The following UNC80 variants were observed in gnomAD, a reference collection of about 807,000 sequenced individuals.
UNC80 encodes unc-80 subunit of NALCN channel complex.
A neutral mutation model predicts 384.6 loss-of-function variants in UNC80; 164 were observed. That is an observed-to-expected ratio of 0.43 (90% CI 0.38 to 0.49). The LOEUF is 0.49. Among genes scored for constraint, UNC80 ranks in the 20% least tolerant of loss-of-function variants. The pLI, the probability that UNC80 is intolerant of heterozygous loss-of-function variation, is 0.00. For synonymous variants in UNC80, 1,486 were observed against 1,527.8 expected, an observed-to-expected ratio of 0.97 and a Z score of 0.64; for missense variants, 3,330 against 4,143.0, an observed-to-expected ratio of 0.80 and a Z score of 5.39.
intron 28 of UNC80, among the ~76,000 whole-genome samples, chr2:209,902,912 T>C (rs1437586522): frequency 7.5e-6 from 1 of 133,270 alleles, no homozygotes; most frequent in Admixed American, 7.0e-5. Flanking sequence ...CACGTGTGTG[T>C]GTGTGTGTGT....
chr2:209,988,838 G>C (rs1377906689), intron 61 of UNC80, among the ~76,000 whole-genome samples: 1 of 151,948 alleles, frequency 6.6e-6, no homozygotes, highest in African/African-American at 2.4e-5. Context: ...TAGATTATAT[G>C]GTTTACCATA....
rs2124954049 is a variant in UNC80 at position 209,922,316 on chromosome 2, T to C, written c.5595T>C (p.Thr1865=). 4 of 1,552,158 alleles carry C rather than the reference T, an allele frequency of 2.6e-6. No individual in the cohort carries two copies. The Admixed American group carries it at 7.8e-5, about 30-fold the overall frequency. Residue 1865 remains threonine, a synonymous_variant, in exon 35 of 65, where the codon ACT becomes ACC. Transcript: ENST00000673920. ...TGAGTCCATCCTGCACCTCCAGCAC[T>C]TCCCACAGGAATTATTCCTTCCGCC... ...LSVSPSCTSS[T]SHRNYSFRRG...
chr2:209,984,889 G>A lies in UNC80; in HGVS notation c.9291G>A (p.Leu3097=). The part of the protein sequence containing the change: ...EPNVLDDSQG[L]AAEGSLSRVA... Reference sequence around the variant, plus strand: ...ATGTCCTCGATGACTCCCAGGGCCTGGCCGCCGAGGGCAGCCTCTCTAGGT... The same window carrying A: ...ATGTCCTCGATGACTCCCAGGGCCTAGCCGCCGAGGGCAGCCTCTCTAGGT... Residue 3097 remains leucine (L), a synonymous_variant, in exon 61 of 65, where the codon CTG becomes CTA. Coordinates refer to ENST00000673920, the MANE Select transcript of UNC80 (RefSeq NM_001371986.1). 6.5e-7 allele frequency: 1 copy of A among 1,550,284 alleles called. No homozygotes were observed. The highest frequency in any genetic ancestry group is 8.7e-7 in the Non-Finnish European group (1 of 1,146,562).
chr2:209,954,060 A>C lies in UNC80; in HGVS notation c.7287-40A>C, dbSNP rs187101571. The C allele has an allele frequency of 1.8e-4, 274 of 1,521,886 alleles. 2 individuals are homozygous for C. In the Admixed American group the frequency reaches 5.8e-3, roughly 32 times the overall value. The allele number at this position is 1,521,886 out of a possible 1,614,324, so 94.3% of individuals were successfully genotyped here. A position where few individuals can be genotyped will look rare whatever the true frequency, so the allele number is the denominator to read the frequency against. ...AGTGTGACACAACCAACAAAAGTAGAATGTAAAAGGTGACTCGGTTTTCTT... is the reference window on the plus strand; with the variant it reads ...AGTGTGACACAACCAACAAAAGTAGCATGTAAAAGGTGACTCGGTTTTCTT... On this transcript the variant is annotated intron_variant, in intron 47 of 64. Coordinates refer to ENST00000673920, the MANE Select transcript of UNC80 (RefSeq NM_001371986.1).
chr2:209,935,563 A>AAAAT (rs112626230), intron 39 of UNC80, 151 bp from the exon 40 acceptor site: 14,450 of 330,876 alleles, frequency 0.044, 965 homozygotes, highest in African/African-American at 0.19. Flanking sequence ...TTCCAGGTTA[A>AAAAT]AAATAAATAA....
chr2:209,935,643 A>T, intron 39 of UNC80, 71 bp from the exon 40 acceptor site: 1 of 699,832 alleles, frequency 1.4e-6, no homozygotes, highest in Non-Finnish European at 2.2e-6. Flanking sequence ...ATAATATTTT[A>T]ATATTTTATG....
At chr2:209,833,556 TAACATATTTTGTCATAATG>T (rs1407113540) in intron 16 of UNC80, among the ~76,000 whole-genome samples, 1 of 152,210 alleles carries the variant, frequency 6.6e-6, no homozygotes, top group Non-Finnish European at 1.5e-5. Flanking sequence ...CTGGAGGACT[TAACATATTTTGTCATAATG>T]TTGCAGAAAA....
chr2:209,808,982 C>T (rs1301214897), intron 7 of UNC80: 2 of 327,818 alleles, frequency 6.1e-6, no homozygotes, highest in Non-Finnish European at 1.2e-5. Flanking sequence ...GCGCTCCAAG[C>T]ACAACCAACT....
At position 209,777,242 on chromosome 2, in the gene UNC80, T is replaced by C; in HGVS notation, c.299-16T>C. 6.4e-7 allele frequency: 1 copy of C among 1,561,108 alleles called. No individual in the cohort carries two copies. Among genetic ancestry groups the C allele is most frequent in the East Asian group, 2.2e-5 (1 of 44,502 alleles). The stretch of plus-strand genomic sequence containing the variant: ...CAGAGTTTTTCTTAACCTGCCTGTG[T>C]AATTGTCCCATGCAGGCCACCAGGA... On this transcript the variant is annotated splice_polypyrimidine_tract_variant and intron_variant, in intron 3 of 64. Transcript: ENST00000673920.
At position 209,817,823 on chromosome 2, in the gene UNC80, C is replaced by T. The variant is rs779351755; in HGVS notation, c.1564C>T (p.Arg522Trp). Residue 522 changes from arginine (R) to tryptophan (W), a missense_variant, in exon 11 of 65, where the codon CGG becomes TGG. Arg to Trp is a moderately radical substitution (Grantham distance 101). Coordinates refer to ENST00000673920, the MANE Select transcript of UNC80 (RefSeq NM_001371986.1). Reference protein sequence around the residue: ...WQTTILGKLTRRGSSDAATEM... With the variant: ...WQTTILGKLTWRGSSDAATEM... ...CTTATTCATCCCAGGGAAATTGACC[C>T]GGCGAGGCAGTTCAGATGCAGCCAC... 18 of 1,551,368 alleles carry T rather than the reference C, an allele frequency of 1.2e-5. No homozygotes were observed. The highest frequency in any genetic ancestry group is 3.9e-5 in the Admixed American group (2 of 50,970).
chr2:209,984,726 T>C (rs1028268523), intron 60 of UNC80, 130 bp from the exon 61 acceptor site: 9 of 863,348 alleles, frequency 1.0e-5, no homozygotes, highest in Non-Finnish European at 1.6e-5. Context: ...TGTCTCCTTT[T>C]CCTTCCTTGT....
At chr2:209,853,106 G>A (rs1446629271) in intron 22 of UNC80, among the ~76,000 whole-genome samples, 8 of 151,852 alleles carry the variant, frequency 5.3e-5, no homozygotes, top group African/African-American at 1.5e-4. Flanking sequence ...TATAGATTCC[G>A]CCATTTCATC....
Position 209,939,168 on chromosome 2 carries a change from T to G in UNC80, c.6466-304T>G, listed in dbSNP as rs144059201. Among the ~76,000 whole-genome samples, 7 of 152,276 alleles carry G rather than the reference T, an allele frequency of 4.6e-5. No individual in the cohort carries two copies. The Middle Eastern group carries it at 0.01, about 222-fold the overall frequency. On this transcript the variant is annotated intron_variant, in intron 42 of 64. Transcript: ENST00000673920. ...TTCCATATTATAGCATCCAAACAAA[T>G]GGGCTCTATTTAATATTGAACTAAT... is the stretch of plus-strand genomic sequence containing the variant.
intron 16 of UNC80, 135 bp downstream of exon 16, chr2:209,831,726 G>A (rs556697449): frequency 5.9e-6 from 6 of 1,009,480 alleles, no homozygotes; most frequent in Middle Eastern, 3.4e-4. Flanking sequence ...TATTTTCCCC[G>A]GTGTCACCAG....
chr2:209,925,149 A>G (rs2090329684), intron 35 of UNC80, among the ~76,000 whole-genome samples: 1 of 151,702 alleles, frequency 6.6e-6, no homozygotes, highest in East Asian at 1.9e-4. Flanking sequence ...AGCTTTTGGT[A>G]AATTTTGAAA....
chr2:209,964,543 C>T (rs909346190), intron 51 of UNC80, among the ~76,000 whole-genome samples: 3 of 152,098 alleles, frequency 2.0e-5, no homozygotes, highest in Admixed American at 1.3e-4. Flanking sequence ...AATCCCAGCA[C>T]TTTGGGAGGA....
chr2:209,834,312 G>A, intron 17 of UNC80, 144 bp downstream of exon 17: 3 of 839,912 alleles, frequency 3.6e-6, no homozygotes, highest in Admixed American at 3.0e-5. Context: ...CACTGGTGTG[G>A]TGTAGCTGCA....
chr2:209,892,561 A>C lies in UNC80; in HGVS notation c.4277-1602A>C, dbSNP rs1033054843. 3.9e-5 allele frequency among the ~76,000 whole-genome samples: 6 copies of C among 152,228 alleles called. No homozygotes were observed. The East Asian group carries it at 1.2e-3, about 29-fold the overall frequency. The stretch of plus-strand genomic sequence containing the variant: ...GCTCTCAAAATTAAATTTCTTTCTG[A>C]TTACATTAATTTGAGTTTATTTTGC... On this transcript the variant is annotated intron_variant, in intron 26 of 64. Transcript: ENST00000673920.
chr2:209,817,186 A>G (rs2079803077), intron 10 of UNC80, 61 bp downstream of exon 10: 25 of 1,469,324 alleles, frequency 1.7e-5, no homozygotes, highest in Non-Finnish European at 2.0e-5. Context: ...AACTGGATCT[A>G]GGGCTTCTGG....
Sources: allele counts gnomAD v4.1 joint callset (sites outside exome capture counted in the v4.1 genomes callset), GRCh38; gene constraint gnomAD v4.1.1; transcripts MANE v1.5; gene names NCBI Gene and HGNC (gene_info 2026-07-23, HGNC 2026-07-21).